FDFT1: variants seen among roughly 807,000 people sequenced by gnomAD.
FDFT1 encodes squalene synthase.
Under a neutral mutation model 46.8 loss-of-function variants are expected in FDFT1, and 68 were observed. That is an observed-to-expected ratio of 1.45 (90% CI 1.19 to 1.78). The LOEUF (loss-of-function observed/expected upper bound fraction) is 1.78, where lower values mean the gene tolerates loss of function less well. Among genes scored for constraint, FDFT1 ranks in the 40% most tolerant of loss-of-function variants. FDFT1 has a pLI of 0.00. For missense variants in FDFT1, 928 were observed against 524.4 expected, an observed-to-expected ratio of 1.77 and a Z score of -7.52; for synonymous variants, 351 against 185.1, an observed-to-expected ratio of 1.90 and a Z score of -7.28.
At chr8:11,797,638 CAAAAAAA>C (rs34350077), upstream of FDFT1, among the ~76,000 whole-genome samples, 11 of 75,520 alleles carry the variant, frequency 1.5e-4, no homozygotes, top group South Asian at 5.3e-3. Flanking sequence ...CACACACACT[CAAAAAAA>C]AAAAAAAAAA....
At chr8:11,817,788 G>A (rs1017101459) in intron 3 of FDFT1, among the ~76,000 whole-genome samples, 1 of 150,254 alleles carries the variant, frequency 6.7e-6, no homozygotes, top group Non-Finnish European at 1.5e-5. Flanking sequence ...CAATTTTGTT[G>A]ATCTTTTCAA....
At position 11,808,903 on chromosome 8, in the gene FDFT1, A is replaced by G. The variant is rs1380656680; in HGVS notation, c.197+12A>G. ...GATGGGGAAATGCGGTGAGTGATGG[A>G]GGCAGCGCCTCTGGCTTGGAGGAAA... On this transcript the variant is annotated intron_variant, in intron 2 of 7. Transcript: ENST00000220584. 6.2e-7 allele frequency: 1 copy of G among 1,611,966 alleles called. No individual in the cohort carries two copies. The highest frequency in any genetic ancestry group is 1.7e-5 in the Admixed American group (1 of 59,712).
chr8:11,804,293 C>T (rs746298698), intron 1 of FDFT1, among the ~76,000 whole-genome samples: 1 of 152,178 alleles, frequency 6.6e-6, no homozygotes, highest in East Asian at 1.9e-4. Context: ...TCTTTCCTTT[C>T]TACAGAAAGA....
In FDFT1 at chr8:11,831,501, C is replaced by G. The variant is rs780284106; in HGVS notation, c.880-17C>G. 1.3e-6 allele frequency: 2 copies of G among 1,524,368 alleles called. No individual in the cohort carries two copies. The highest frequency in any genetic ancestry group is 1.8e-6 in the Non-Finnish European group (2 of 1,140,192). The allele number at this position is 1,524,368 out of a possible 1,614,324, so 94.4% of individuals were successfully genotyped here. On this transcript the variant is annotated splice_polypyrimidine_tract_variant and intron_variant, in intron 6 of 7. Coordinates refer to ENST00000220584, the MANE Select transcript of FDFT1 (RefSeq NM_004462.5). ...ACATCATTTCTTCTTTTTTCCCTCT[C>G]TTCTTGTTGTCTCTAGGTGATGGCC...
chr8:11,830,144 C>A, intron 5 of FDFT1, 100 bp from the exon 6 acceptor site: 2 of 1,008,058 alleles, frequency 2.0e-6, no homozygotes, highest in Non-Finnish European at 3.1e-6. Context: ...CGGCGCCCAG[C>A]CTGTATCATA....
chr8:11,832,667 C>A (rs936765841), intron 7 of FDFT1, among the ~76,000 whole-genome samples: 7 of 151,668 alleles, frequency 4.6e-5, no homozygotes, highest in African/African-American at 1.7e-4. Context: ...TCCCCTCCCC[C>A]CAGAGGACAT....
At chr8:11,826,422 C>G (rs1810005711) in intron 5 of FDFT1, among the ~76,000 whole-genome samples, 2 of 152,212 alleles carry the variant, frequency 1.3e-5, no homozygotes, top group Admixed American at 6.5e-5. Context: ...TCAGTATATT[C>G]AAGCCTTGCT....
chr8:11,801,924 C>A (rs533025073), upstream of FDFT1: 16 of 449,362 alleles, frequency 3.6e-5, no homozygotes. Flanking sequence ...CTCTTGACCT[C>A]GTGATCCACC....
At chr8:11,808,996 T>C (rs2130720424) in intron 2 of FDFT1, 105 bp downstream of exon 2, 4 of 1,492,708 alleles carry the variant, frequency 2.7e-6, no homozygotes, top group African/African-American at 1.4e-5. Flanking sequence ...TGCAGCCTCG[T>C]TGCTGTGGCT....
upstream of FDFT1, chr8:11,802,468 A>G (rs1218871476): frequency 3.2e-5 from 15 of 470,906 alleles, no homozygotes; most frequent in Middle Eastern, 6.3e-4. Context: ...AAGCGGAAGA[A>G]AACAAAGGCC....
intron 3 of FDFT1, among the ~76,000 whole-genome samples, chr8:11,813,963 A>G (rs1436613515): frequency 2.0e-5 from 3 of 152,132 alleles, no homozygotes; most frequent in Non-Finnish European, 4.4e-5. Flanking sequence ...TCTCCTGTAT[A>G]TTTTTGTTTT....
intron 1 of FDFT1, among the ~76,000 whole-genome samples, chr8:11,807,153 A>T (rs575048198): frequency 6.6e-6 from 1 of 151,962 alleles, no homozygotes; most frequent in African/African-American, 2.4e-5. Flanking sequence ...CCTATTGGAT[A>T]TTTGTTTTTT....
chr8:11,822,565 G>A (rs562900437), intron 4 of FDFT1, among the ~76,000 whole-genome samples: 4 of 152,318 alleles, frequency 2.6e-5, no homozygotes, highest in Non-Finnish European at 5.9e-5. Context: ...TGTAATCTCA[G>A]CACTTTGGGA....
At chr8:11,830,847 C>G (rs1456509569) in intron 6 of FDFT1, among the ~76,000 whole-genome samples, 1 of 152,224 alleles carries the variant, frequency 6.6e-6, no homozygotes, top group East Asian at 1.9e-4. Context: ...GACCTAGCCT[C>G]TCAGTATGCT....
intron 7 of FDFT1, among the ~76,000 whole-genome samples, chr8:11,832,471 G>C (rs1281120077): frequency 1.4e-5 from 2 of 147,252 alleles, no homozygotes; most frequent in Non-Finnish European, 3.0e-5. Context: ...GATCACATGA[G>C]CCTGAGAGGT....
At chr8:11,802,617 C>G, upstream of FDFT1, 1 of 592,400 alleles carries the variant, frequency 1.7e-6, no homozygotes, top group South Asian at 1.9e-5. Context: ...GGCCAATCAG[C>G]GCCCGTCAGC....
chr8:11,814,908 G>A (rs1440191718), intron 3 of FDFT1, among the ~76,000 whole-genome samples: 1 of 151,680 alleles, frequency 6.6e-6, no homozygotes, highest in African/African-American at 2.4e-5. Flanking sequence ...TAGGGTACAT[G>A]TGCACAACGT....
intron 2 of FDFT1, 101 bp downstream of exon 2, chr8:11,808,992 C>T (rs1295748236): frequency 1.3e-6 from 2 of 1,506,474 alleles, no homozygotes; most frequent in Non-Finnish European, 1.8e-6. Context: ...GCGTTGCAGC[C>T]TCGTTGCTGT....
chr8:11,833,803 C>G (rs1272976416), intron 7 of FDFT1, among the ~76,000 whole-genome samples: 1 of 152,194 alleles, frequency 6.6e-6, no homozygotes, highest in Admixed American at 6.5e-5. Context: ...AAGAGGTTTG[C>G]TGACTTCTGA....
Sources: gnomAD v4.1 joint callset for allele counts (sites outside exome capture counted in the v4.1 genomes callset) on GRCh38, gnomAD v4.1.1 for gene constraint, MANE v1.5 for transcripts, NCBI Gene and HGNC (gene_info 2026-07-23, HGNC 2026-07-21) for gene names.